Variants in ALDH3B2 observed in about 807,000 individuals in gnomAD.
ALDH3B2 encodes the protein aldehyde dehydrogenase 3 family member B2, also known as aldehyde dehydrogenase family 3 member B2.
In ALDH3B2, 45 loss-of-function variants were observed where a neutral mutation model predicts 36.7. The observed-to-expected ratio is 1.23, with a 90% CI of 0.97 to 1.57. ALDH3B2 has a LOEUF of 1.57. Ranked by LOEUF, ALDH3B2 falls within the 40% of genes most tolerant of loss-of-function variation. ALDH3B2 has a pLI of 0.00. For synonymous variants in ALDH3B2, 217 were observed against 226.5 expected (o/e 0.96, Z 0.38); for missense variants, 464 against 513.3 (o/e 0.90, Z 0.93).
At chr11:67,663,427 G>C in intron 9 of ALDH3B2, 28 bp from the exon 10 acceptor site, 1 of 1,594,048 alleles carries the variant, frequency 6.3e-7, no homozygotes, top group Non-Finnish European at 8.5e-7. Context: ...ACAAGGGCCT[G>C]AGACCAGGCA....
At position 67,665,542 on chromosome 11, in the gene ALDH3B2, C is replaced by T. The variant is rs150455483; in HGVS notation, c.449G>A (p.Arg150His). The change falls in exon 7 of 10, where the codon CGC becomes CAC. Residue 150 changes from arginine to histidine, a missense_variant. Coordinates refer to ENST00000349015, the Ensembl canonical transcript of ALDH3B2. Reference sequence around the variant, plus strand: ...ATTGAAGTAGCAGAACCAGGCCACGCGGTTGGCCACGGTCTGGGGGTCGCA... The same window carrying T: ...ATTGAAGTAGCAGAACCAGGCCACGTGGTTGGCCACGGTCTGGGGGTCGCA... 296 of 1,614,092 alleles carry T rather than the reference C, an allele frequency of 1.8e-4. 2 individuals carry two copies. Among genetic ancestry groups the T allele is most frequent in the African/African-American group, 9.1e-4 (68 of 75,026 alleles).
intron 1 of ALDH3B2, among the ~76,000 whole-genome samples, chr11:67,669,736 GTA>G (rs1856036158): frequency 7.0e-6 from 1 of 141,936 alleles, no homozygotes; most frequent in South Asian, 2.2e-4. Context: ...GTCTGTGTGT[GTA>G]TGGGTGTCTG....
intron 8 of ALDH3B2, among the ~76,000 whole-genome samples, chr11:67,664,051 C>T (rs749892723): frequency 1.1e-4 from 17 of 152,118 alleles, no homozygotes; most frequent in Non-Finnish European, 1.6e-4. Context: ...GTGTGGTATG[C>T]GGGCCCCACC....
At chr11:67,666,289 G>A (rs1855908423) in intron 5 of ALDH3B2, 27 bp downstream of exon 5, 9 of 1,610,328 alleles carry the variant, frequency 5.6e-6, no homozygotes, top group Non-Finnish European at 7.6e-6. Flanking sequence ...GGGACGTCGG[G>A]CACTGCTGGG....
At chr11:67,678,430 C>T (rs1591151431), upstream of ALDH3B2, among the ~76,000 whole-genome samples, 1 of 152,072 alleles carries the variant, frequency 6.6e-6, no homozygotes, top group Admixed American at 6.6e-5. Flanking sequence ...TAGGAGAATG[C>T]AACTGGATCC....
chr11:67,666,056 A>G, intron 6 of ALDH3B2, 66 bp downstream of exon 6: 2 of 1,572,120 alleles, frequency 1.3e-6, no homozygotes, highest in East Asian at 2.2e-5. Flanking sequence ...TCCCTCCACA[A>G]CCCTCCCACC....
At chr11:67,681,137 C>T (rs1856360190) in intron 1 of ALDH3B2, 1 of 152,312 alleles carries the variant, frequency 6.6e-6, no homozygotes, top group African/African-American at 2.4e-5. Context: ...TTAATTGACT[C>T]ACAGTTTAGC....
intron 7 of ALDH3B2, 133 bp downstream of exon 7, chr11:67,665,152 C>A: frequency 5.5e-6 from 8 of 1,459,950 alleles, no homozygotes; most frequent in Non-Finnish European, 7.4e-6. Flanking sequence ...GGCACCAGAG[C>A]CATGGCTCAA....
At chr11:67,671,914 G>C (rs1295087154) in intron 1 of ALDH3B2, among the ~76,000 whole-genome samples, 1 of 149,296 alleles carries the variant, frequency 6.7e-6, no homozygotes, top group African/African-American at 2.5e-5. Flanking sequence ...GCCTCCTTTG[G>C]AAAGGCTCAT....
intron 1 of ALDH3B2, among the ~76,000 whole-genome samples, chr11:67,672,099 A>ATGTG (rs1565250114): frequency 2.2e-5 from 1 of 45,642 alleles, no homozygotes; most frequent in African/African-American, 8.3e-5. Context: ...GTATGTATGT[A>ATGTG]TTTTGTGTGT....
At chr11:67,669,426 G>A (rs1411549414) in intron 1 of ALDH3B2, among the ~76,000 whole-genome samples, 3 of 150,476 alleles carry the variant, frequency 2.0e-5, no homozygotes, top group Non-Finnish European at 4.4e-5. Context: ...ATGTGTGTGG[G>A]TGTGTGTGTC....
intron 7 of ALDH3B2, 118 bp from the exon 8 acceptor site, chr11:67,664,680 A>C: frequency 7.1e-7 from 1 of 1,403,582 alleles, no homozygotes; most frequent in East Asian, 2.4e-5. Flanking sequence ...CCAAGGTCTG[A>C]CTTCCCAGCG....
chr11:67,665,972 G>T, intron 6 of ALDH3B2, 150 bp downstream of exon 6: 1 of 1,112,496 alleles, frequency 9.0e-7, no homozygotes, highest in Non-Finnish European at 1.3e-6. Context: ...TGCCCAGGGC[G>T]TGGCCTATGC....
chr11:67,667,858 G>C (rs947865719), intron 1 of ALDH3B2: 1 of 160,898 alleles, frequency 6.2e-6, no homozygotes, highest in Non-Finnish European at 1.4e-5. Context: ...CCATGAGGGA[G>C]GGCCCTGGGC....
chr11:67,677,471 T>A (rs2134162916), upstream of ALDH3B2, among the ~76,000 whole-genome samples: 1 of 152,188 alleles, frequency 6.6e-6, no homozygotes, highest in African/African-American at 2.4e-5. Context: ...ATAAAAGCCA[T>A]CTATGACAAA....
chr11:67,679,226 G>A (rs559792818), upstream of ALDH3B2, among the ~76,000 whole-genome samples: 16 of 152,216 alleles, frequency 1.1e-4, no homozygotes, highest in African/African-American at 1.9e-4. Flanking sequence ...CCAGCACTTC[G>A]GGAGGCTGAG....
At position 67,665,806 on chromosome 11, in the gene ALDH3B2, C is replaced by G. The variant is rs541125208; in HGVS notation, c.320-135G>C. On this transcript the variant is annotated intron_variant, in intron 6 of 9. Coordinates refer to ENST00000349015, the Ensembl canonical transcript of ALDH3B2. Reference sequence around the variant, plus strand: ...TAGGGACATGGTGAGGAGACCCCATCCTCAACTGGCCTTGACCACACACTC... The same window carrying G: ...TAGGGACATGGTGAGGAGACCCCATGCTCAACTGGCCTTGACCACACACTC... The G allele has an allele frequency of 3.1e-5, 41 of 1,341,228 alleles. No individual in the cohort carries two copies. The East Asian group carries it at 8.6e-4, about 28-fold the overall frequency. 83.1% of individuals were successfully genotyped at this position (1,341,228 alleles called of 1,614,324 possible).
Position 67,664,543 on chromosome 11 carries a change from G to A in ALDH3B2, c.726C>T (p.Asp242=), listed in dbSNP as rs747950456. 45 of 1,613,466 alleles carry A rather than the reference G, an allele frequency of 2.8e-5. No homozygotes were observed. The Middle Eastern group carries it at 5.3e-4, about 19-fold the overall frequency. ...GCATCACAGGCTCCGTCTCCTGCAC[G>A]TCCACCAGCACCGTGGGGGCTGCGG... Residue 242 remains aspartate, a synonymous_variant, in exon 8 of 10, where the codon GAC becomes GAT. Transcript: ENST00000349015.
Position 67,664,427 on chromosome 11 carries a change from AGG to A in ALDH3B2, c.840_841del (p.Leu281GlyfsTer28). 6.2e-7 allele frequency: 1 copy of A among 1,614,140 alleles called. No homozygotes were observed. The highest frequency in any genetic ancestry group is 8.5e-7 in the Non-Finnish European group (1 of 1,180,016). ...GCTGTTGGAGAAGGCGTACAGGGCC[AGG>A]GGCTTCTCCTGCCGGTTGATGAACT... On this transcript the variant is annotated frameshift_variant, in exon 8 of 10. Transcript: ENST00000349015. LOFTEE classifies it high-confidence loss of function.
Sources: allele counts gnomAD v4.1 joint callset (sites outside exome capture counted in the v4.1 genomes callset), GRCh38; gene constraint gnomAD v4.1.1; transcripts MANE v1.5; gene names NCBI Gene and HGNC (gene_info 2026-07-23, HGNC 2026-07-21).